The following MYRIP variants were observed in gnomAD, a reference collection of about 807,000 sequenced individuals.
MYRIP encodes myosin VIIA and Rab interacting protein.
Under a neutral mutation model 98.0 loss-of-function variants are expected in MYRIP, and 49 were observed. The observed-to-expected ratio is 0.50, with a 90% CI of 0.40 to 0.63. MYRIP has a LOEUF of 0.63. Among genes scored for constraint, MYRIP ranks in the 30% least tolerant of loss-of-function variants. MYRIP has a pLI of 0.00. For synonymous variants in MYRIP, 404 were observed against 409.5 expected (o/e 0.99, Z 0.16); for missense variants, 1,004 against 1,058.2 (o/e 0.95, Z 0.71).
intron 2 of MYRIP, among the ~76,000 whole-genome samples, chr3:39,912,393 A>C (rs1177677764): frequency 1.3e-5 from 2 of 152,176 alleles, no homozygotes; most frequent in African/African-American, 2.4e-5. Context: ...AGTTACAAAA[A>C]CTGCTAAATG....
intron 1 of MYRIP, among the ~76,000 whole-genome samples, chr3:39,855,635 C>A (rs986016366): frequency 1.3e-5 from 2 of 152,024 alleles, no homozygotes; most frequent in African/African-American, 4.8e-5. Flanking sequence ...TAGCTGGTAG[C>A]AGGAGGCTTC....
At chr3:39,836,707 G>C (rs1246702921) in intron 1 of MYRIP, among the ~76,000 whole-genome samples, 1 of 152,224 alleles carries the variant, frequency 6.6e-6, no homozygotes, top group African/African-American at 2.4e-5. Context: ...GTCATGTAAA[G>C]AATGGCAGCC....
intron 3 of MYRIP, among the ~76,000 whole-genome samples, chr3:40,146,722 C>T (rs1031494997): frequency 6.6e-6 from 1 of 152,176 alleles, no homozygotes; most frequent in African/African-American, 2.4e-5. Context: ...CAAATGCACA[C>T]ACACATGCAT....
At chr3:39,882,927 T>C (rs1943190327) in intron 1 of MYRIP, among the ~76,000 whole-genome samples, 1 of 151,984 alleles carries the variant, frequency 6.6e-6, no homozygotes, top group Non-Finnish European at 1.5e-5. Context: ...TGGGATATCC[T>C]TTCACTGAGG....
At position 39,906,660 on chromosome 3, in the gene MYRIP, C is replaced by T. The variant is rs114113722; in HGVS notation, c.110+5734C>T. 5.7e-3 allele frequency among the ~76,000 whole-genome samples: 860 copies of T among 152,166 alleles called. 7 individuals carry two copies. Among genetic ancestry groups the T allele is most frequent in the African/African-American group, 0.02 (834 of 41,504 alleles). ...TTTTCAAATAGTAGAAAAAAATAAC[C>T]GGGCACCTATGCCACATTTAAGTCC... On this transcript the variant is annotated intron_variant, in intron 2 of 16. Coordinates refer to ENST00000302541, the MANE Select transcript of MYRIP (RefSeq NM_015460.4).
rs555480891 is a variant in MYRIP, at chr3:39,927,626, G to A, written c.110+26700G>A. Among the ~76,000 whole-genome samples, 5 of 152,038 alleles carry A rather than the reference G, an allele frequency of 3.3e-5. No individual in the cohort carries two copies. The East Asian group carries it at 9.6e-4, about 29-fold the overall frequency. On this transcript the variant is annotated intron_variant, in intron 2 of 16. Coordinates refer to ENST00000302541, the MANE Select transcript of MYRIP (RefSeq NM_015460.4). ...AATTCTGCCAGACATACAGAGAAGA[G>A]CTGGTACCATACTGAAACTATTCCA...
chr3:39,813,333 C>T (rs1940765433), intron 1 of MYRIP, among the ~76,000 whole-genome samples: 1 of 152,116 alleles, frequency 6.6e-6, no homozygotes, highest in African/African-American at 2.4e-5. Context: ...AGCTGGTGCC[C>T]TTCTCCCATC....
chr3:39,823,697 AT>A (rs1161541875), intron 1 of MYRIP, among the ~76,000 whole-genome samples: 3 of 150,714 alleles, frequency 2.0e-5, no homozygotes, highest in East Asian at 2.0e-4. Flanking sequence ...TTTTAATGGG[AT>A]TTTTTTTTCT....
At chr3:39,889,687 A>T (rs180938208) in intron 1 of MYRIP, among the ~76,000 whole-genome samples, 19 of 152,284 alleles carry the variant, frequency 1.2e-4, no homozygotes, top group South Asian at 4.1e-4. Context: ...AATAATAATT[A>T]AAAAAAGACA....
intron 9 of MYRIP, among the ~76,000 whole-genome samples, chr3:40,186,299 T>A (rs1191244396): frequency 6.6e-6 from 1 of 152,038 alleles, no homozygotes; most frequent in African/African-American, 2.4e-5. Context: ...CATGTGGGCG[T>A]CTTGGTTTGA....
At chr3:40,035,247 A>T (rs1559373916) in intron 2 of MYRIP, among the ~76,000 whole-genome samples, 1 of 149,536 alleles carries the variant, frequency 6.7e-6, no homozygotes, top group East Asian at 1.9e-4. Flanking sequence ...AAATTAAAAA[A>T]AAGAAAAAGA....
chr3:40,091,005 C>T (rs1038983843), intron 3 of MYRIP, among the ~76,000 whole-genome samples: 4 of 152,152 alleles, frequency 2.6e-5, no homozygotes, highest in African/African-American at 4.8e-5. Flanking sequence ...TCCAGGCAAG[C>T]GAGCACATGT....
intron 2 of MYRIP, among the ~76,000 whole-genome samples, chr3:40,013,257 T>C (rs1169157150): frequency 1.3e-5 from 2 of 152,190 alleles, no homozygotes; most frequent in Non-Finnish European, 2.9e-5. Context: ...CTCGTGTCAA[T>C]CCTGGAGAAG....
chr3:40,191,704 C>T (rs1397470001), intron 10 of MYRIP, among the ~76,000 whole-genome samples: 1 of 152,188 alleles, frequency 6.6e-6, no homozygotes, highest in Admixed American at 6.5e-5. Flanking sequence ...TTCGTTTTCT[C>T]CTCTGTAAAA....
At chr3:39,844,008 A>T (rs925248234) in intron 1 of MYRIP, among the ~76,000 whole-genome samples, 5 of 152,038 alleles carry the variant, frequency 3.3e-5, no homozygotes, top group Non-Finnish European at 5.9e-5. Context: ...AGGCTGAGAG[A>T]CCTCCACAGA....
chr3:39,841,813 T>G (rs557591025), intron 1 of MYRIP, among the ~76,000 whole-genome samples: 13 of 152,300 alleles, frequency 8.5e-5, no homozygotes, highest in South Asian at 2.1e-4. Context: ...GATTGCTGCT[T>G]CTTCTTCCTC....
At chr3:40,018,190 A>G (rs1453033472) in intron 2 of MYRIP, among the ~76,000 whole-genome samples, 1 of 152,130 alleles carries the variant, frequency 6.6e-6, no homozygotes, top group African/African-American at 2.4e-5. Flanking sequence ...TCTTGGTTTC[A>G]TCAGTGCTTT....
chr3:40,035,247 AAAG>A (rs1009300089), intron 2 of MYRIP, among the ~76,000 whole-genome samples: 1 of 149,536 alleles, frequency 6.7e-6, no homozygotes, highest in Non-Finnish European at 1.5e-5. Flanking sequence ...AAATTAAAAA[AAAG>A]AAAAAGAAAT....
intron 2 of MYRIP, among the ~76,000 whole-genome samples, chr3:40,040,981 TAA>T (rs201195237): frequency 3.4e-5 from 1 of 29,590 alleles, no homozygotes; most frequent in Non-Finnish European, 5.5e-5. Context: ...TAGAGTATAA[TAA>T]AAAAAAAAAA....
Sources: allele counts gnomAD v4.1 joint callset (sites outside exome capture counted in the v4.1 genomes callset), GRCh38; gene constraint gnomAD v4.1.1; transcripts MANE v1.5; gene names NCBI Gene and HGNC (gene_info 2026-07-23, HGNC 2026-07-21).